LINS1: variants seen among roughly 807,000 people sequenced by gnomAD.
LINS1 encodes the protein protein Lines homolog 1.
In LINS1, 27 loss-of-function variants were observed where a neutral mutation model predicts 41.6. The observed-to-expected ratio is 0.65, with a 90% CI of 0.48 to 0.89. LINS1 has a LOEUF of 0.89. Among genes scored for constraint, LINS1 ranks in the 40% least tolerant of loss-of-function variants. The probability of loss-of-function intolerance (pLI) is 0.00; values close to 1 mark genes in which losing one functional copy is unlikely to be tolerated. For synonymous variants in LINS1, 336 were observed against 312.9 expected (o/e 1.07, Z -0.78); for missense variants, 955 against 884.1 (o/e 1.08, Z -1.02).
chr15:100,588,291 T>A (rs192751769), intron 1 of LINS1, among the ~76,000 whole-genome samples: 112 of 152,344 alleles, frequency 7.4e-4, no homozygotes, highest in African/African-American at 2.6e-3. Flanking sequence ...CTGTACTTTC[T>A]CTTTTCACAA....
chr15:100,579,988 T>C (rs1250641826), intron 3 of LINS1, among the ~76,000 whole-genome samples: 1 of 152,190 alleles, frequency 6.6e-6, no homozygotes, highest in Admixed American at 6.5e-5. Flanking sequence ...ACATATGTTA[T>C]TATGTGAGCA....
intron 1 of LINS1, among the ~76,000 whole-genome samples, chr15:100,593,562 G>T (rs1023421642): frequency 2.7e-4 from 11 of 40,052 alleles, no homozygotes; most frequent in Admixed American, 1.8e-3. Flanking sequence ...AACTTTATGG[G>T]GGGGGGGGGT....
Position 100,575,112 on chromosome 15 carries a change from G to C in LINS1, c.506C>G (p.Ser169Cys). The C allele has an allele frequency of 6.2e-7, 1 of 1,611,722 alleles. No individual in the cohort carries two copies. The highest frequency in any genetic ancestry group is 8.5e-7 in the Non-Finnish European group (1 of 1,179,280). The change falls in exon 4 of 7, where the codon TCC becomes TGC. Residue 169 changes from serine (S) to cysteine (C), a missense_variant. Ser to Cys is a moderately radical substitution (Grantham distance 112). Transcript: ENST00000314742. Reference sequence around the variant, plus strand: ...ATTTTTCTGGCAAAAAGCAATCCAGGAATTACTTAAGGTTATCTACAAGTG... The same window carrying C: ...ATTTTTCTGGCAAAAAGCAATCCAGCAATTACTTAAGGTTATCTACAAGTG... ...QLREKITLSN[S>C]WIAFCQKNLS...
chr15:100,578,571 T>C (rs2038331073), intron 3 of LINS1, among the ~76,000 whole-genome samples: 1 of 152,184 alleles, frequency 6.6e-6, no homozygotes, highest in South Asian at 2.1e-4. Context: ...TTTTACACTG[T>C]TGGTGGGACT....
chr15:100,573,184 G>A (rs1212144059), intron 5 of LINS1: 3 of 170,440 alleles, frequency 1.8e-5, no homozygotes, highest in Non-Finnish European at 2.4e-5. Flanking sequence ...GCAGGTGTGC[G>A]ATGGGTCGCG....
chr15:100,591,343 C>T (rs1379415806), intron 1 of LINS1, among the ~76,000 whole-genome samples: 1 of 152,200 alleles, frequency 6.6e-6, no homozygotes, highest in Non-Finnish European at 1.5e-5. Flanking sequence ...ACACCATAAC[C>T]TATGAATCAT....
intron 1 of LINS1, among the ~76,000 whole-genome samples, chr15:100,581,681 T>C (rs988466573): frequency 2.0e-5 from 3 of 152,294 alleles, no homozygotes; most frequent in Non-Finnish European, 1.5e-5. Context: ...CTGGGAACAA[T>C]CTGACCCTGG....
intron 4 of LINS1, 135 bp downstream of exon 4, chr15:100,574,852 A>G: frequency 2.1e-6 from 2 of 940,460 alleles, no homozygotes; most frequent in East Asian, 4.9e-5. Context: ...CTCAATCAAA[A>G]TATATTGGAA....
chr15:100,574,975 T>C lies in LINS1; in HGVS notation c.631+12A>G, dbSNP rs370408704. ...AAGATGATGATTGTTTATGGGGCCA[T>C]GTAATCCATACCTGTTTTCTGTGAA... On this transcript the variant is annotated intron_variant, in intron 4 of 6. Coordinates refer to ENST00000314742, the MANE Select transcript of LINS1 (RefSeq NM_001040616.3). The C allele has an allele frequency of 2.0e-5, 33 of 1,611,544 alleles. No individual in the cohort carries two copies. In the African/African-American group the frequency reaches 3.2e-4, roughly 16 times the overall value.
intron 3 of LINS1, among the ~76,000 whole-genome samples, chr15:100,578,660 C>T (rs2038336762): frequency 6.6e-6 from 1 of 152,182 alleles, no homozygotes; most frequent in Non-Finnish European, 1.5e-5. Flanking sequence ...TTTGACCCAG[C>T]CATCCCATTA....
intron 1 of LINS1, among the ~76,000 whole-genome samples, chr15:100,600,656 T>C (rs1021935101): frequency 6.6e-6 from 1 of 151,778 alleles, no homozygotes; most frequent in Non-Finnish European, 1.5e-5. Context: ...TTGTTTCTAA[T>C]TATAATTCAG....
chr15:100,578,923 G>C (rs1002396346), intron 3 of LINS1, among the ~76,000 whole-genome samples: 1 of 151,798 alleles, frequency 6.6e-6, no homozygotes, highest in African/African-American at 2.4e-5. Flanking sequence ...GCTATCACAA[G>C]AACAAAAAAC....
chr15:100,577,387 A>C (rs1379065999), intron 3 of LINS1, among the ~76,000 whole-genome samples: 3 of 152,178 alleles, frequency 2.0e-5, no homozygotes, highest in East Asian at 3.8e-4. Flanking sequence ...CCAATAACAG[A>C]CAAACAGCCA....
chr15:100,589,788 T>C (rs1176941961), intron 1 of LINS1, among the ~76,000 whole-genome samples: 1 of 152,258 alleles, frequency 6.6e-6, no homozygotes, highest in East Asian at 1.9e-4. Flanking sequence ...TTATTTTCAA[T>C]GCATGTTTTC....
intron 1 of LINS1, among the ~76,000 whole-genome samples, chr15:100,581,379 C>G (rs1322433233): frequency 6.6e-6 from 1 of 152,220 alleles, no homozygotes; most frequent in African/African-American, 2.4e-5. Context: ...CAAAAAATGT[C>G]TGCAGACATT....
At chr15:100,593,025 A>G (rs763738946) in intron 1 of LINS1, among the ~76,000 whole-genome samples, 5 of 152,088 alleles carry the variant, frequency 3.3e-5, no homozygotes, top group South Asian at 4.1e-4. Flanking sequence ...ACTGACCACA[A>G]TTTTTTCTGA....
Position 100,573,637 on chromosome 15 carries a change from GT to G in LINS1, c.1222+13del. The G allele has an allele frequency of 1.1e-5, 16 of 1,473,202 alleles. No individual in the cohort carries two copies. Among genetic ancestry groups the G allele is most frequent in the Non-Finnish European group, 1.5e-5 (16 of 1,054,502 alleles). 91.3% of individuals were successfully genotyped at this position (1,473,202 alleles called of 1,614,324 possible). Reference sequence around the variant, plus strand: ...TAATTACACACTGCATACAAAAGGAGTTTGGAGAATTACCTTTCACTTCACT... The same window carrying G: ...TAATTACACACTGCATACAAAAGGAGTTGGAGAATTACCTTTCACTTCACT... On this transcript the variant is annotated intron_variant, in intron 5 of 6. Coordinates refer to ENST00000314742, the MANE Select transcript of LINS1 (RefSeq NM_001040616.3).
At chr15:100,578,169 G>C (rs1300785501) in intron 3 of LINS1, among the ~76,000 whole-genome samples, 11 of 152,170 alleles carry the variant, frequency 7.2e-5, no homozygotes, top group East Asian at 3.9e-4. Flanking sequence ...CCAAAATAGA[G>C]AAATGGGATC....
At chr15:100,600,551 C>CAATAAAAAAAAAAA (rs2039436603) in intron 1 of LINS1, among the ~76,000 whole-genome samples, 1 of 79,674 alleles carries the variant, frequency 1.3e-5, no homozygotes, top group Non-Finnish European at 2.2e-5. Flanking sequence ...TGCTGTTAAG[C>CAATAAAAAAAAAAA]AAAAAAAAAA....
Sources: allele counts gnomAD v4.1 joint callset (sites outside exome capture counted in the v4.1 genomes callset), GRCh38; gene constraint gnomAD v4.1.1; transcripts MANE v1.5; gene names NCBI Gene and HGNC (gene_info 2026-07-23, HGNC 2026-07-21).